Variants in CLSTN2 observed in about 807,000 individuals in gnomAD.
CLSTN2 encodes calsyntenin 2, also known as calsyntenin-2.
A neutral mutation model predicts 101.2 loss-of-function variants in CLSTN2; 48 were observed. That is an observed-to-expected ratio of 0.47 (90% CI 0.38 to 0.60). The LOEUF (loss-of-function observed/expected upper bound fraction) is 0.60. Ranked by LOEUF, CLSTN2 falls within the 20% of genes least tolerant of loss-of-function variation. The pLI is 0.00. For synonymous variants in CLSTN2, 481 were observed against 463.6 expected, an observed-to-expected ratio of 1.04 and a Z score of -0.48; for missense variants, 1,160 against 1,238.2, an observed-to-expected ratio of 0.94 and a Z score of 0.95.
intron 9 of CLSTN2, among the ~76,000 whole-genome samples, chr3:140,543,564 C>A (rs796896378): frequency 1.3e-5 from 2 of 152,194 alleles, no homozygotes. Flanking sequence ...AGGCTGAGAA[C>A]GTCCCAAGGC....
intron 1 of CLSTN2, among the ~76,000 whole-genome samples, chr3:140,040,190 CT>C: frequency 6.6e-6 from 1 of 152,238 alleles, no homozygotes; most frequent in East Asian, 1.9e-4. Flanking sequence ...CTTTTCTCAT[CT>C]TTTTTGGTGT....
chr3:140,539,282 A>G (rs368742904), intron 9 of CLSTN2, among the ~76,000 whole-genome samples: 57 of 152,220 alleles, frequency 3.7e-4, no homozygotes, highest in African/African-American at 1.3e-3. Flanking sequence ...GTTCTGGCAC[A>G]CACAGAGGTA....
At chr3:139,958,497 G>T (rs1370959395) in intron 1 of CLSTN2, among the ~76,000 whole-genome samples, 1 of 152,076 alleles carries the variant, frequency 6.6e-6, no homozygotes, top group African/African-American at 2.4e-5. Context: ...ATAGAATTTG[G>T]TAGGACATCA....
Position 140,341,677 on chromosome 3 carries a change from G to A in CLSTN2, c.233-61952G>A, listed in dbSNP as rs151267882. Among the ~76,000 whole-genome samples, 129 of 152,310 alleles carry A rather than the reference G, an allele frequency of 8.5e-4. 1 individual carries two copies. The highest frequency in any genetic ancestry group is 2.9e-3 in the African/African-American group (119 of 41,570). On this transcript the variant is annotated intron_variant, in intron 2 of 16. Coordinates refer to ENST00000458420, the MANE Select transcript of CLSTN2 (RefSeq NM_022131.3). ...TCAGGACCAGGCACACTGTGTTCAAGTATTGCTGGTAGTGGGCCCCCGGGG... is the reference window on the plus strand; with the variant it reads ...TCAGGACCAGGCACACTGTGTTCAAATATTGCTGGTAGTGGGCCCCCGGGG...
chr3:140,073,003 C>T (rs1181200383), intron 1 of CLSTN2, among the ~76,000 whole-genome samples: 1 of 152,184 alleles, frequency 6.6e-6, no homozygotes, highest in East Asian at 1.9e-4. Context: ...AAACCTTTAT[C>T]TCCACAGATG....
At chr3:140,518,645 T>A (rs1559892439) in intron 8 of CLSTN2, among the ~76,000 whole-genome samples, 1 of 152,178 alleles carries the variant, frequency 6.6e-6, no homozygotes, top group African/African-American at 2.4e-5. Flanking sequence ...CTTTGGGAAA[T>A]CACAGTTTTT....
chr3:139,999,052 C>T (rs555554970), intron 1 of CLSTN2, among the ~76,000 whole-genome samples: 1 of 152,198 alleles, frequency 6.6e-6, no homozygotes, highest in Non-Finnish European at 1.5e-5. Context: ...CCGTGACCTA[C>T]CCGGCCTGGG....
At chr3:140,471,545 C>T (rs1270607759) in intron 8 of CLSTN2, among the ~76,000 whole-genome samples, 10 of 152,154 alleles carry the variant, frequency 6.6e-5, no homozygotes, top group Non-Finnish European at 1.2e-4. Flanking sequence ...TACTAGGCAT[C>T]AGGGATCAAG....
At chr3:140,203,558 C>T (rs1040368146) in intron 2 of CLSTN2, among the ~76,000 whole-genome samples, 1 of 125,746 alleles carries the variant, frequency 8.0e-6, no homozygotes, top group Non-Finnish European at 1.6e-5. Context: ...TAGCTCTTTT[C>T]CTGAGACCAC....
intron 4 of CLSTN2, among the ~76,000 whole-genome samples, chr3:140,418,424 C>G (rs1241200512): frequency 6.6e-6 from 1 of 151,660 alleles, no homozygotes; most frequent in Admixed American, 6.6e-5. Flanking sequence ...AATTCTATCT[C>G]TAATTGGTGG....
At chr3:140,556,180 C>T (rs987607014) in intron 10 of CLSTN2, among the ~76,000 whole-genome samples, 4 of 152,144 alleles carry the variant, frequency 2.6e-5, no homozygotes, top group African/African-American at 9.7e-5. Flanking sequence ...GACCACCCGG[C>T]TAGCACAGAG....
At chr3:140,082,970 C>G (rs1297051425) in intron 1 of CLSTN2, among the ~76,000 whole-genome samples, 1 of 152,192 alleles carries the variant, frequency 6.6e-6, no homozygotes, top group Non-Finnish European at 1.5e-5. Flanking sequence ...ACCATCATTT[C>G]AACCAGAGGG....
chr3:139,988,841 T>C (rs564005645), intron 1 of CLSTN2, among the ~76,000 whole-genome samples: 1 of 152,294 alleles, frequency 6.6e-6, no homozygotes, highest in South Asian at 2.1e-4. Context: ...GAAATTTTTA[T>C]TTGAACAAAT....
chr3:140,111,322 C>A (rs1421661516), intron 1 of CLSTN2, among the ~76,000 whole-genome samples: 1 of 152,174 alleles, frequency 6.6e-6, no homozygotes, highest in African/African-American at 2.4e-5. Context: ...ATCTCTGAGT[C>A]CATGCTGAAG....
At chr3:140,101,446 G>A (rs965343006) in intron 1 of CLSTN2, among the ~76,000 whole-genome samples, 1 of 152,236 alleles carries the variant, frequency 6.6e-6, no homozygotes, top group Non-Finnish European at 1.5e-5. Flanking sequence ...GACAGACACT[G>A]AAGTCGCTCC....
intron 2 of CLSTN2, among the ~76,000 whole-genome samples, chr3:140,267,700 A>C (rs1329769298): frequency 3.3e-5 from 5 of 152,148 alleles, no homozygotes; most frequent in African/African-American, 1.2e-4. Flanking sequence ...GGAATCTTTG[A>C]AAATACAAGG....
Position 140,562,976 on chromosome 3 carries a change from G to C in CLSTN2, c.2358+20G>C. 1.9e-6 allele frequency: 3 copies of C among 1,613,686 alleles called. No individual in the cohort carries two copies. The highest frequency in any genetic ancestry group is 2.2e-5 in the South Asian group (2 of 91,056). ...TTGGAGGTGAGTGGGTCCTGCCATT[G>C]TTAGGGAAGCCAAGGCTCACCCATT... On this transcript the variant is annotated intron_variant, in intron 14 of 16. Coordinates refer to ENST00000458420, the MANE Select transcript of CLSTN2 (RefSeq NM_022131.3).
chr3:140,360,206 T>G (rs560589961), intron 2 of CLSTN2, among the ~76,000 whole-genome samples: 1 of 152,284 alleles, frequency 6.6e-6, no homozygotes, highest in East Asian at 1.9e-4. Context: ...CATTCACTCA[T>G]TAATCAATAG....
chr3:140,096,498 T>C (rs796484320), intron 1 of CLSTN2, among the ~76,000 whole-genome samples: 9 of 152,330 alleles, frequency 5.9e-5, no homozygotes, highest in African/African-American at 2.2e-4. Flanking sequence ...AGAGAATATC[T>C]TGGCGGGAGT....
Sources: gnomAD v4.1 joint callset for allele counts (sites outside exome capture counted in the v4.1 genomes callset) on GRCh38, gnomAD v4.1.1 for gene constraint, MANE v1.5 for transcripts, NCBI Gene and HGNC (gene_info 2026-07-23, HGNC 2026-07-21) for gene names.